Variants in ARMH3 observed in about 807,000 individuals in gnomAD.
The protein encoded by ARMH3 is armadillo-like helical domain-containing protein 3.
Under a neutral mutation model 99.1 loss-of-function variants are expected in ARMH3, and 60 were observed. That is an observed-to-expected ratio of 0.61 (90% CI 0.49 to 0.75). The LOEUF is 0.75. Among genes scored for constraint, ARMH3 ranks in the 30% least tolerant of loss-of-function variants. The pLI is 0.00. For missense variants in ARMH3, 679 were observed against 843.1 expected (o/e 0.81, Z 2.41); for synonymous variants, 285 against 292.8 (o/e 0.97, Z 0.27).
intron 23 of ARMH3, among the ~76,000 whole-genome samples, chr10:101,928,726 T>C (rs2135652110): frequency 1.3e-5 from 2 of 152,246 alleles, no homozygotes; most frequent in Middle Eastern, 6.8e-3. Context: ...GTTGTTGTTG[T>C]TGTTTGTTTT....
chr10:101,969,771 T>C (rs546086611), intron 20 of ARMH3, among the ~76,000 whole-genome samples: 4 of 152,316 alleles, frequency 2.6e-5, no homozygotes, highest in East Asian at 1.9e-4. Context: ...AAATGTTGCT[T>C]AGTGATCTGT....
At chr10:101,934,667 T>G (rs1276208358) in intron 23 of ARMH3, among the ~76,000 whole-genome samples, 1 of 152,324 alleles carries the variant, frequency 6.6e-6, no homozygotes, top group African/African-American at 2.4e-5. Flanking sequence ...GATTTTGAAC[T>G]CGGTCCTAAT....
At chr10:102,013,780 A>G (rs1469242532) in intron 9 of ARMH3, among the ~76,000 whole-genome samples, 188 bp downstream of exon 9, 1 of 152,242 alleles carries the variant, frequency 6.6e-6, no homozygotes, top group Admixed American at 6.5e-5. Context: ...TCTTCCTTCC[A>G]TGATAATAAG....
At position 101,901,487 on chromosome 10, in the gene ARMH3, T is replaced by G. The variant is rs569668688; in HGVS notation, c.1782-11997A>C. Among the ~76,000 whole-genome samples the G allele has an allele frequency of 6.2e-4, 94 of 152,336 alleles. 1 individual carries two copies. Among genetic ancestry groups the G allele is most frequent in the South Asian group, 5.8e-3 (28 of 4,822 alleles). On this transcript the variant is annotated intron_variant, in intron 23 of 25. Coordinates refer to ENST00000370033, the MANE Select transcript of ARMH3 (RefSeq NM_024541.3). ...TCTTATTACAGTGCACTGTCAGCTC[T>G]GAGCCTGCAGGTGCTAACCACTGAG... is the stretch of plus-strand genomic sequence containing the variant.
At chr10:101,937,713 A>G (rs545224215) in intron 23 of ARMH3, among the ~76,000 whole-genome samples, 1 of 152,200 alleles carries the variant, frequency 6.6e-6, no homozygotes, top group Non-Finnish European at 1.5e-5. Flanking sequence ...AAGAAAGAGT[A>G]GCACAAAGTC....
intron 1 of ARMH3, among the ~76,000 whole-genome samples, chr10:102,041,666 T>G (rs2067429495): frequency 6.6e-6 from 1 of 152,040 alleles, no homozygotes; most frequent in African/African-American, 2.4e-5. Context: ...TTTTTTTTTT[T>G]TTGATATGGA....
At chr10:101,963,871 TTTC>T (rs1845419052) in intron 20 of ARMH3, among the ~76,000 whole-genome samples, 1 of 150,646 alleles carries the variant, frequency 6.6e-6, no homozygotes, top group African/African-American at 2.5e-5. Context: ...GGGTTCTCTT[TTTC>T]TTTCTTTTTT....
chr10:101,987,254 C>T (rs1330899427), intron 19 of ARMH3, among the ~76,000 whole-genome samples: 1 of 152,180 alleles, frequency 6.6e-6, no homozygotes, highest in Non-Finnish European at 1.5e-5. Context: ...ATTCTCCAAA[C>T]ATACCACATT....
chr10:102,035,977 G>C (rs1394159394), intron 2 of ARMH3, among the ~76,000 whole-genome samples: 1 of 151,698 alleles, frequency 6.6e-6, no homozygotes, highest in Non-Finnish European at 1.5e-5. Context: ...CTGCCCAGCC[G>C]CCCATCGTCT....
chr10:101,896,087 C>T (rs980180487), intron 23 of ARMH3, among the ~76,000 whole-genome samples: 3 of 152,060 alleles, frequency 2.0e-5, no homozygotes, highest in Admixed American at 6.6e-5. Context: ...AAAAATTAGC[C>T]GGGTATGGTG....
chr10:101,998,648 T>A (rs569041564), intron 15 of ARMH3, among the ~76,000 whole-genome samples: 1 of 152,338 alleles, frequency 6.6e-6, no homozygotes, highest in South Asian at 2.1e-4. Context: ...TTAGCTCTCC[T>A]GTCTCTGTCT....
rs754931028 is a variant in ARMH3 at position 102,029,711 on chromosome 10, T to C, written c.341A>G (p.Lys114Arg). 1.2e-6 allele frequency: 2 copies of C among 1,614,056 alleles called. No homozygotes were observed. The highest frequency in any genetic ancestry group is 1.7e-6 in the Non-Finnish European group (2 of 1,180,048). Residue 114 changes from lysine (K) to arginine (R), a missense_variant, in exon 5 of 26, where the codon AAG becomes AGG. Physicochemically the swap from Lys to Arg is conservative, Grantham distance 26. Coordinates refer to ENST00000370033, the MANE Select transcript of ARMH3 (RefSeq NM_024541.3). ...LCALIRGVHQKNKSTSGFDII... is the reference protein window; with the variant it reads ...LCALIRGVHQRNKSTSGFDII... ...GTCAAACCCAGAGGTAGACTTATTC[T>C]TTTGATGGACTCCTCGAATGAGTGC... is the stretch of plus-strand genomic sequence containing the variant.
intron 15 of ARMH3, among the ~76,000 whole-genome samples, chr10:101,995,642 T>C (rs567270138): frequency 7.9e-5 from 12 of 152,320 alleles, no homozygotes; most frequent in African/African-American, 2.9e-4. Flanking sequence ...ATGGCTCAAA[T>C]AGTGGCCAGT....
chr10:101,910,606 A>G (rs1449800654), intron 23 of ARMH3, among the ~76,000 whole-genome samples: 1 of 151,856 alleles, frequency 6.6e-6, no homozygotes, highest in Non-Finnish European at 1.5e-5. Flanking sequence ...GGCACACACA[A>G]CTGTAATTCC....
rs2066487605 is a variant in ARMH3, at chr10:101,847,459, C to G, written c.*69G>C. 9.3e-6 allele frequency: 14 copies of G among 1,511,868 alleles called. 1 individual carries two copies. The Admixed American group carries it at 2.2e-4, about 24-fold the overall frequency. 93.7% of individuals were successfully genotyped at this position (1,511,868 alleles called of 1,614,324 possible). A position where few individuals can be genotyped will look rare whatever the true frequency, so the allele number is the denominator to read the frequency against. ...AACCTCGGGGGCAGCCCCCTCTCCC[C>G]TCGCTCCCCCTCCAGCCCATGATCC... On this transcript the variant is annotated 3_prime_UTR_variant, in exon 26 of 26. Coordinates refer to ENST00000370033, the MANE Select transcript of ARMH3 (RefSeq NM_024541.3).
At chr10:102,026,129 A>G (rs960916564) in intron 5 of ARMH3, among the ~76,000 whole-genome samples, 1 of 152,202 alleles carries the variant, frequency 6.6e-6, no homozygotes, top group African/African-American at 2.4e-5. Flanking sequence ...AAGCCAGCTG[A>G]CAAATCCAAA....
At chr10:101,868,813 T>C (rs747813494) in intron 24 of ARMH3, among the ~76,000 whole-genome samples, 2 of 152,226 alleles carry the variant, frequency 1.3e-5, no homozygotes, top group Non-Finnish European at 2.9e-5. Context: ...GGCTCACGCC[T>C]ATAATCCCAG....
At position 101,861,779 on chromosome 10, in the gene ARMH3, T is replaced by C. The variant is rs529880469; in HGVS notation, c.1861-11887A>G. On this transcript the variant is annotated intron_variant, in intron 24 of 25. Transcript: ENST00000370033. The stretch of plus-strand genomic sequence containing the variant: ...TGGGCGCAGTGACTCACACCTGTAA[T>C]CCCAGCACTTTGGGAGGCCAAGGCG... 7.4e-5 allele frequency among the ~76,000 whole-genome samples: 9 copies of C among 122,040 alleles called. No homozygotes were observed. In the South Asian group the frequency reaches 2.4e-3, roughly 33 times the overall value. The allele number at this position is 122,040 out of a possible 152,430, so 80.1% of individuals were successfully genotyped here.
At chr10:101,852,691 A>G (rs981091319) in intron 24 of ARMH3, among the ~76,000 whole-genome samples, 1 of 151,728 alleles carries the variant, frequency 6.6e-6, no homozygotes, top group Non-Finnish European at 1.5e-5. Flanking sequence ...AGAGGATGCC[A>G]TGCCATGAGC....
Sources: gnomAD v4.1 joint callset for allele counts (sites outside exome capture counted in the v4.1 genomes callset) on GRCh38, gnomAD v4.1.1 for gene constraint, MANE v1.5 for transcripts, NCBI Gene and HGNC (gene_info 2026-07-23, HGNC 2026-07-21) for gene names.